Variants in EFHD1 observed in about 807,000 individuals in gnomAD.
EFHD1 encodes the protein EF-hand domain-containing protein D1.
In EFHD1, 10 loss-of-function variants were observed where a neutral mutation model predicts 17.2. That is an observed-to-expected ratio of 0.58 (90% confidence interval 0.36 to 0.99). The LOEUF (loss-of-function observed/expected upper bound fraction) is 0.99, where lower values mean the gene tolerates loss of function less well. Ranked by LOEUF, EFHD1 falls within the 50% of genes least tolerant of loss-of-function variation. EFHD1 has a pLI of 0.01. For synonymous variants in EFHD1, 153 were observed against 142.0 expected, an observed-to-expected ratio of 1.08 and a Z score of -0.55; for missense variants, 310 against 327.5, an observed-to-expected ratio of 0.95 and a Z score of 0.41.
At chr2:232,627,036 C>CTCTCTCTCTCTCTCTA (rs1242284297) in intron 1 of EFHD1, among the ~76,000 whole-genome samples, 1 of 112,684 alleles carries the variant, frequency 8.9e-6, no homozygotes, top group African/African-American at 3.3e-5. Context: ...CTCTCTCTCT[C>CTCTCTCTCTCTCTCTA]TATATATATA....
intron 2 of EFHD1, among the ~76,000 whole-genome samples, chr2:232,671,150 C>T (rs1201569584): frequency 6.6e-6 from 1 of 152,020 alleles, no homozygotes; most frequent in Non-Finnish European, 1.5e-5. Context: ...AAGTGCCCAT[C>T]AAGGCCAGGC....
chr2:232,660,166 T>A (rs1179048734), intron 1 of EFHD1, among the ~76,000 whole-genome samples: 1 of 138,598 alleles, frequency 7.2e-6, no homozygotes, highest in Non-Finnish European at 1.6e-5. Flanking sequence ...AAATTTGTGT[T>A]ATTTATTTAT....
rs7601858 is a variant in EFHD1 at position 232,644,922 on chromosome 2, G to A, written c.302+10916G>A. On this transcript the variant is annotated intron_variant, in intron 1 of 3. Coordinates refer to ENST00000264059, the MANE Select transcript of EFHD1 (RefSeq NM_025202.4). ...CTCCCAAAGTGCTGGGATTACAGGC[G>A]TGAGCCACCATGCCTGGCAATTTTT... is the stretch of plus-strand genomic sequence containing the variant. 7.3e-3 allele frequency among the ~76,000 whole-genome samples: 1,081 copies of A among 148,544 alleles called. 16 individuals carry two copies. Among genetic ancestry groups the A allele is most frequent in the African/African-American group, 0.025 (1,002 of 40,166 alleles).
chr2:232,637,948 T>C, intron 1 of EFHD1, among the ~76,000 whole-genome samples: 1 of 152,202 alleles, frequency 6.6e-6, no homozygotes, highest in African/African-American at 2.4e-5. Flanking sequence ...CCTTAGGACC[T>C]AACAAATGAG....
chr2:232,648,385 T>C (rs1381204933), intron 1 of EFHD1, among the ~76,000 whole-genome samples: 3 of 152,110 alleles, frequency 2.0e-5, no homozygotes, highest in East Asian at 1.9e-4. Context: ...AGCTAGAGCA[T>C]TGGGAGTGAC....
intron 3 of EFHD1, 59 bp downstream of exon 3, chr2:232,672,502 A>G (rs1412452774): frequency 2.6e-6 from 4 of 1,532,104 alleles, no homozygotes; most frequent in Non-Finnish European, 2.6e-6. Context: ...GCTGCCCACC[A>G]GACTGCAGCT....
chr2:232,651,456 C>T (rs1694652787), intron 1 of EFHD1, among the ~76,000 whole-genome samples: 1 of 152,176 alleles, frequency 6.6e-6, no homozygotes, highest in Non-Finnish European at 1.5e-5. Flanking sequence ...TCTTAAGGGG[C>T]TTTCACACTG....
At chr2:232,613,672 A>ACAC (rs768358647) in intron 1 of EFHD1, among the ~76,000 whole-genome samples, 33 of 102,184 alleles carry the variant, frequency 3.2e-4, no homozygotes, top group Admixed American at 1.9e-3. Flanking sequence ...ACACACACAC[A>ACAC]AATATACACA....
chr2:232,628,764 A>G (rs1005774899), upstream of EFHD1, among the ~76,000 whole-genome samples: 7 of 152,136 alleles, frequency 4.6e-5, no homozygotes, highest in East Asian at 1.4e-3. Context: ...AATGGCCACA[A>G]TTTCTCCCTG....
At chr2:232,668,546 G>A (rs1695008758) in intron 2 of EFHD1, among the ~76,000 whole-genome samples, 1 of 152,210 alleles carries the variant, frequency 6.6e-6, no homozygotes, top group Non-Finnish European at 1.5e-5. Context: ...CCTCGGGGAT[G>A]GCGAGAGTCC....
chr2:232,673,276 A>G (rs1448455545), intron 3 of EFHD1, among the ~76,000 whole-genome samples: 1 of 152,212 alleles, frequency 6.6e-6, no homozygotes, highest in East Asian at 1.9e-4. Flanking sequence ...TCCATTGAGT[A>G]TATAACATGC....
At chr2:232,611,661 C>G (rs1248200722) in intron 1 of EFHD1, 1 of 152,284 alleles carries the variant, frequency 6.6e-6, no homozygotes, top group African/African-American at 2.4e-5. Flanking sequence ...ACCCCTAAGG[C>G]AAGAACAGTT....
intron 1 of EFHD1, among the ~76,000 whole-genome samples, chr2:232,613,573 A>G (rs1422432356): frequency 6.6e-6 from 1 of 151,750 alleles, no homozygotes; most frequent in East Asian, 1.9e-4. Flanking sequence ...TATCCATCCA[A>G]TGAACTACTG....
At chr2:232,629,863 T>C (rs1023866828), upstream of EFHD1, among the ~76,000 whole-genome samples, 3 of 151,960 alleles carry the variant, frequency 2.0e-5, no homozygotes, top group African/African-American at 7.2e-5. Context: ...GTTTTTTTTT[T>C]CCATATATAG....
At chr2:232,668,276 G>A (rs1448476222) in intron 2 of EFHD1, among the ~76,000 whole-genome samples, 2 of 152,258 alleles carry the variant, frequency 1.3e-5, no homozygotes, top group African/African-American at 4.8e-5. Context: ...TGGAAGTCTG[G>A]GCGCTTTCAG....
chr2:232,680,027 CT>C (rs549486469), intron 3 of EFHD1, among the ~76,000 whole-genome samples: 8 of 152,042 alleles, frequency 5.3e-5, no homozygotes, highest in Non-Finnish European at 1.0e-4. Context: ...AATTCTAGCA[CT>C]TTGGGAGGCT....
intron 1 of EFHD1, among the ~76,000 whole-genome samples, chr2:232,642,748 C>T (rs1416251339): frequency 6.6e-6 from 1 of 152,096 alleles, no homozygotes; most frequent in East Asian, 1.9e-4. Context: ...CGAGGGTCAC[C>T]TGCAGCTGTT....
intron 1 of EFHD1, among the ~76,000 whole-genome samples, chr2:232,642,768 C>A (rs926199978): frequency 6.6e-6 from 1 of 151,770 alleles, no homozygotes; most frequent in African/African-American, 2.4e-5. Context: ...TCCCGAGGGT[C>A]ACCTCCAGCT....
chr2:232,628,813 C>T (rs1199813239), upstream of EFHD1, among the ~76,000 whole-genome samples: 1 of 152,200 alleles, frequency 6.6e-6, no homozygotes, highest in African/African-American at 2.4e-5. Context: ...TCGAACTATG[C>T]TCCCTCCCCT....
Sources: allele counts gnomAD v4.1 joint callset (sites outside exome capture counted in the v4.1 genomes callset), GRCh38; gene constraint gnomAD v4.1.1; transcripts MANE v1.5; gene names NCBI Gene and HGNC (gene_info 2026-07-23, HGNC 2026-07-21).